The following LRRC4C variants were observed in gnomAD, a reference collection of about 807,000 sequenced individuals.
LRRC4C encodes the protein leucine rich repeat containing 4C, also known as leucine-rich repeat-containing protein 4C.
LRRC4C carries 5 observed loss-of-function variants against 33.6 expected under a neutral mutation model. That is an observed-to-expected ratio of 0.15 (90% CI 0.08 to 0.31). The LOEUF (loss-of-function observed/expected upper bound fraction) is 0.31, where lower values mean the gene tolerates loss of function less well. Ranked by LOEUF, LRRC4C falls within the 10% of genes least tolerant of loss-of-function variation. LRRC4C has a pLI of 1.00. For missense variants in LRRC4C, 560 were observed against 796.7 expected, an observed-to-expected ratio of 0.70 and a Z score of 3.58; for synonymous variants, 329 against 302.0, an observed-to-expected ratio of 1.09 and a Z score of -0.93.
At chr11:41,454,649 G>C (rs980857502) in intron 1 of LRRC4C, among the ~76,000 whole-genome samples, 1 of 152,090 alleles carries the variant, frequency 6.6e-6, no homozygotes, top group African/African-American at 2.4e-5. Context: ...AAAGTTCTGA[G>C]TATAAGTGAA....
intron 2 of LRRC4C, among the ~76,000 whole-genome samples, chr11:40,801,487 A>G (rs1282149822): frequency 6.6e-6 from 1 of 152,194 alleles, no homozygotes; most frequent in Admixed American, 6.5e-5. Context: ...TTCCTCCAAA[A>G]GATTTTTACC....
chr11:40,866,704 T>C (rs1024275089), intron 2 of LRRC4C, among the ~76,000 whole-genome samples: 1 of 152,130 alleles, frequency 6.6e-6, no homozygotes, highest in Non-Finnish European at 1.5e-5. Flanking sequence ...GTGATGACAT[T>C]TGACTTGCAG....
chr11:40,223,875 A>G (rs567398676), intron 5 of LRRC4C, among the ~76,000 whole-genome samples: 2 of 152,358 alleles, frequency 1.3e-5, no homozygotes, highest in South Asian at 2.1e-4. Flanking sequence ...ATCTAACTGT[A>G]AAGAATCTTC....
chr11:40,538,366 A>ACT (rs1404356817), intron 3 of LRRC4C, among the ~76,000 whole-genome samples: 1 of 151,520 alleles, frequency 6.6e-6, no homozygotes, highest in Non-Finnish European at 1.5e-5. Context: ...CCCACCTATG[A>ACT]GTGAGCATAT....
intron 1 of LRRC4C, among the ~76,000 whole-genome samples, chr11:41,355,061 A>C (rs568456737): frequency 6.6e-6 from 1 of 152,264 alleles, no homozygotes; most frequent in South Asian, 2.1e-4. Flanking sequence ...CAGACAACCT[A>C]CAGAATAGGA....
chr11:40,609,663 G>A (rs531888129), intron 3 of LRRC4C, among the ~76,000 whole-genome samples: 1 of 151,630 alleles, frequency 6.6e-6, no homozygotes, highest in East Asian at 1.9e-4. Context: ...CTTTAAACTA[G>A]GAAAAAAGAG....
At chr11:41,325,313 GA>G (rs1951076621) in intron 1 of LRRC4C, among the ~76,000 whole-genome samples, 1 of 152,096 alleles carries the variant, frequency 6.6e-6, no homozygotes, top group Non-Finnish European at 1.5e-5. Flanking sequence ...GTGAGTTATT[GA>G]AAACTCACTT....
At chr11:40,436,031 G>A (rs776092568) in intron 3 of LRRC4C, among the ~76,000 whole-genome samples, 2 of 152,050 alleles carry the variant, frequency 1.3e-5, no homozygotes, top group Non-Finnish European at 2.9e-5. Flanking sequence ...ACTTAATTAA[G>A]TCCTATCCTT....
At position 40,694,990 on chromosome 11, in the gene LRRC4C, G is replaced by C. The variant is rs189126638; in HGVS notation, c.-406-46712C>G. 3.9e-4 allele frequency among the ~76,000 whole-genome samples: 58 copies of C among 149,602 alleles called. 1 individual carries two copies. Among genetic ancestry groups the C allele is most frequent in the Middle Eastern group, 3.4e-3 (1 of 292 alleles). On this transcript the variant is annotated intron_variant, in intron 2 of 6. Transcript: ENST00000528697. Reference sequence around the variant, plus strand: ...TCCTGACTTTATATTCAGCTCTTCTGTTCCTGTCATTTTTTGCCTTAAGTA... The same window carrying C: ...TCCTGACTTTATATTCAGCTCTTCTCTTCCTGTCATTTTTTGCCTTAAGTA...
At chr11:41,248,354 A>G (rs899645872) in intron 1 of LRRC4C, among the ~76,000 whole-genome samples, 1 of 152,136 alleles carries the variant, frequency 6.6e-6, no homozygotes, top group African/African-American at 2.4e-5. Flanking sequence ...TTACATACAA[A>G]GGATTCTTGA....
At chr11:41,138,976 G>A (rs1156916651) in intron 1 of LRRC4C, among the ~76,000 whole-genome samples, 1 of 152,096 alleles carries the variant, frequency 6.6e-6, no homozygotes, top group Non-Finnish European at 1.5e-5. Context: ...ATGTGTAACT[G>A]AGCCTTCTTC....
At chr11:40,515,936 G>A (rs1470605036) in intron 3 of LRRC4C, among the ~76,000 whole-genome samples, 2 of 151,972 alleles carry the variant, frequency 1.3e-5, no homozygotes, top group Non-Finnish European at 2.9e-5. Context: ...TTTATTTTAT[G>A]ATAGTGCATA....
chr11:41,323,259 G>A (rs565832447), intron 1 of LRRC4C, among the ~76,000 whole-genome samples: 20 of 152,086 alleles, frequency 1.3e-4, no homozygotes, highest in South Asian at 2.1e-4. Context: ...CCATACCACT[G>A]TATCCCTCTT....
At chr11:41,106,517 G>C (rs982466129) in intron 1 of LRRC4C, among the ~76,000 whole-genome samples, 5 of 151,546 alleles carry the variant, frequency 3.3e-5, no homozygotes, top group Admixed American at 2.6e-4. Context: ...CAAGTAACAG[G>C]TAATATCCAG....
chr11:41,279,736 C>T (rs951004518), intron 1 of LRRC4C, among the ~76,000 whole-genome samples: 3 of 152,090 alleles, frequency 2.0e-5, no homozygotes, highest in Non-Finnish European at 4.4e-5. Flanking sequence ...GCATTGATGT[C>T]CAACTGGCAC....
intron 1 of LRRC4C, among the ~76,000 whole-genome samples, chr11:41,141,223 C>T (rs1429594621): frequency 6.6e-6 from 1 of 152,046 alleles, no homozygotes; most frequent in Non-Finnish European, 1.5e-5. Flanking sequence ...CTTCTTTCAG[C>T]CCCAATGCTC....
intron 2 of LRRC4C, among the ~76,000 whole-genome samples, chr11:40,648,577 A>C (rs918538905): frequency 3.3e-5 from 5 of 152,252 alleles, no homozygotes; most frequent in African/African-American, 1.2e-4. Context: ...GTTTTAATTA[A>C]AATTTGCTTG....
At chr11:40,779,628 C>A (rs1950139659) in intron 2 of LRRC4C, among the ~76,000 whole-genome samples, 1 of 152,082 alleles carries the variant, frequency 6.6e-6, no homozygotes, top group Non-Finnish European at 1.5e-5. Flanking sequence ...AAATTTCATG[C>A]AGAAAATTGT....
chr11:40,713,819 G>A (rs1393172666), intron 2 of LRRC4C, among the ~76,000 whole-genome samples: 1 of 152,116 alleles, frequency 6.6e-6, no homozygotes, highest in Non-Finnish European at 1.5e-5. Flanking sequence ...CCCAAACAAA[G>A]AGACTGTAGA....
Sources: gnomAD v4.1 joint callset for allele counts (sites outside exome capture counted in the v4.1 genomes callset) on GRCh38, gnomAD v4.1.1 for gene constraint, MANE v1.5 for transcripts, NCBI Gene and HGNC (gene_info 2026-07-23, HGNC 2026-07-21) for gene names.